Variants in EXOC6 observed in about 807,000 individuals in gnomAD.
The protein encoded by EXOC6 is SEC15-like 1.
In EXOC6, 60 loss-of-function variants were observed where a neutral mutation model predicts 112.5. The ratio of observed to expected loss-of-function variants is 0.53; its 90% CI spans 0.43 to 0.66. EXOC6 has a LOEUF of 0.66. Among genes scored for constraint, EXOC6 ranks in the 30% least tolerant of loss-of-function variants. The pLI is 0.00. For synonymous variants in EXOC6, 295 were observed against 308.0 expected (o/e 0.96, Z 0.44); for missense variants, 855 against 957.1 (o/e 0.89, Z 1.41).
chr10:92,993,358 A>G lies in EXOC6; in HGVS notation c.1954-4116A>G, dbSNP rs1843348475. Reference sequence around the variant, plus strand: ...TGGAATCATTAAGGATGAGTAGACCAATACGGAAAGAATGTGATTTCAAGA... The same window carrying G: ...TGGAATCATTAAGGATGAGTAGACCGATACGGAAAGAATGTGATTTCAAGA... On this transcript the variant is annotated intron_variant, in intron 18 of 21. Transcript: ENST00000260762. Among the ~76,000 whole-genome samples the G allele has an allele frequency of 2.6e-5, 4 of 152,314 alleles. No homozygotes were observed. The South Asian group carries it at 6.2e-4, about 24-fold the overall frequency.
At chr10:92,837,711 G>C (rs1185223019) in intron 1 of EXOC6, among the ~76,000 whole-genome samples, 1 of 152,118 alleles carries the variant, frequency 6.6e-6, no homozygotes, top group Non-Finnish European at 1.5e-5. Flanking sequence ...AAGCTATAAG[G>C]GTTGAGAGGG....
intron 1 of EXOC6, among the ~76,000 whole-genome samples, chr10:92,862,465 A>G (rs185690721): frequency 7.9e-5 from 12 of 152,210 alleles, no homozygotes; most frequent in Admixed American, 5.2e-4. Flanking sequence ...TGAGAGAGAG[A>G]GAGAGATCCT....
At chr10:92,970,624 A>C (rs1183940030) in intron 17 of EXOC6, among the ~76,000 whole-genome samples, 1 of 152,210 alleles carries the variant, frequency 6.6e-6, no homozygotes, top group African/African-American at 2.4e-5. Context: ...TGTTTTATCT[A>C]AAGTAATGTT....
In EXOC6 at chr10:92,897,391, A is replaced by G. The variant is rs181421268; in HGVS notation, c.413-2208A>G. 2.6e-5 allele frequency among the ~76,000 whole-genome samples: 4 copies of G among 152,334 alleles called. No homozygotes were observed. In the East Asian group the frequency reaches 5.8e-4, roughly 22 times the overall value. ...GTGAGGCATCATGGTAGGTATTGGAACTATAAAGTTGGAAATGACACAATC... is the reference window on the plus strand; with the variant it reads ...GTGAGGCATCATGGTAGGTATTGGAGCTATAAAGTTGGAAATGACACAATC... On this transcript the variant is annotated intron_variant, in intron 4 of 21. Transcript: ENST00000260762.
At chr10:92,930,686 C>A (rs1214679994) in intron 9 of EXOC6, among the ~76,000 whole-genome samples, 2 of 151,788 alleles carry the variant, frequency 1.3e-5, no homozygotes, top group Non-Finnish European at 2.9e-5. Flanking sequence ...TAGGAAAAAA[C>A]AAAGGATAAA....
intron 20 of EXOC6, among the ~76,000 whole-genome samples, chr10:93,050,381 T>C (rs1347600855): frequency 1.3e-5 from 2 of 151,856 alleles, no homozygotes; most frequent in Non-Finnish European, 2.9e-5. Flanking sequence ...TGAAACCCCG[T>C]CTCTACAAAA....
intron 20 of EXOC6, among the ~76,000 whole-genome samples, chr10:93,024,870 C>CT (rs1476104421): frequency 4.6e-5 from 7 of 152,178 alleles, no homozygotes; most frequent in Non-Finnish European, 1.0e-4. Context: ...CTCTAAATGT[C>CT]TTTCTTTGAC....
chr10:92,876,728 C>A (rs1291706564), intron 1 of EXOC6, among the ~76,000 whole-genome samples: 1 of 152,120 alleles, frequency 6.6e-6, no homozygotes, highest in Non-Finnish European at 1.5e-5. Flanking sequence ...CTCTGCAGTT[C>A]CCAGACAGGC....
intron 20 of EXOC6, among the ~76,000 whole-genome samples, chr10:93,029,207 CGTT>C (rs1277304132): frequency 1.3e-5 from 2 of 152,016 alleles, no homozygotes; most frequent in African/African-American, 2.4e-5. Context: ...AGGGTGTGTA[CGTT>C]GTTTTTTCAG....
chr10:93,019,060 A>T (rs1366729951), intron 20 of EXOC6, among the ~76,000 whole-genome samples: 1 of 152,000 alleles, frequency 6.6e-6, no homozygotes, highest in Non-Finnish European at 1.5e-5. Flanking sequence ...AAAATAATTT[A>T]TTATTATTTT....
chr10:92,848,472 G>C (rs1847147148), upstream of EXOC6: 1 of 1,170,514 alleles, frequency 8.5e-7, no homozygotes, highest in Non-Finnish European at 1.1e-6. Flanking sequence ...CGCGCCACTT[G>C]GAGCTCGCCC....
intron 19 of EXOC6, among the ~76,000 whole-genome samples, chr10:92,998,620 G>T (rs142561140): frequency 1.3e-3 from 135 of 107,302 alleles, no homozygotes; most frequent in African/African-American, 4.7e-3. Flanking sequence ...TCAATTGTCT[G>T]TTGCACACCA....
At chr10:92,974,597 C>T (rs1265655442) in intron 18 of EXOC6, among the ~76,000 whole-genome samples, 5 of 150,002 alleles carry the variant, frequency 3.3e-5, no homozygotes, top group Non-Finnish European at 7.4e-5. Context: ...TCTCTTTCCA[C>T]GTCTCCCTCT....
At chr10:92,827,604 G>A (rs1238090107) in intron 1 of EXOC6, among the ~76,000 whole-genome samples, 1 of 150,506 alleles carries the variant, frequency 6.6e-6, no homozygotes, top group Non-Finnish European at 1.5e-5. Context: ...ATTTGTATAA[G>A]GTAGCATGTT....
At chr10:92,978,525 G>C (rs1842717295) in intron 18 of EXOC6, among the ~76,000 whole-genome samples, 1 of 152,080 alleles carries the variant, frequency 6.6e-6, no homozygotes, top group Admixed American at 6.5e-5. Flanking sequence ...AAATTTTAGA[G>C]TCAATAGAGT....
At chr10:92,983,341 A>G (rs936599766) in intron 18 of EXOC6, among the ~76,000 whole-genome samples, 2 of 151,630 alleles carry the variant, frequency 1.3e-5, no homozygotes, top group African/African-American at 4.8e-5. Context: ...GTTTTTCACT[A>G]TTTGGTTTTA....
intron 9 of EXOC6, among the ~76,000 whole-genome samples, chr10:92,929,264 C>T (rs7919589): frequency 0.46 from 70,602 of 152,094 alleles, 17,540 homozygotes; most frequent in African/African-American, 0.64. Context: ...GCTGAGTGAA[C>T]GAGAGAAAAA....
chr10:92,827,474 C>CAAAAA (rs60863083), intron 1 of EXOC6, among the ~76,000 whole-genome samples: 4,626 of 33,228 alleles, frequency 0.14, 1,608 homozygotes, highest in Middle Eastern at 0.21. Context: ...GCCCTGTTGC[C>CAAAAA]AAAAAAAAAA....
intron 4 of EXOC6, among the ~76,000 whole-genome samples, chr10:92,898,299 G>C (rs987359957): frequency 2.0e-5 from 3 of 151,768 alleles, no homozygotes; most frequent in African/African-American, 7.3e-5. Context: ...AGCTGTGGTG[G>C]CGTACCTGTG....
Sources: gnomAD v4.1 joint callset for allele counts (sites outside exome capture counted in the v4.1 genomes callset) on GRCh38, gnomAD v4.1.1 for gene constraint, MANE v1.5 for transcripts, NCBI Gene and HGNC (gene_info 2026-07-23, HGNC 2026-07-21) for gene names.